The following LRRC8E variants were observed in gnomAD, a reference collection of about 807,000 sequenced individuals.
The protein encoded by LRRC8E is volume-regulated anion channel subunit LRRC8E.
Under a neutral mutation model 6.1 loss-of-function variants are expected in LRRC8E, and 6 were observed. That is an observed-to-expected ratio of 0.98 (90% CI 0.54 to 1.93). LRRC8E has a LOEUF of 1.93. LRRC8E is among the 30% of genes most tolerant of loss of function. LRRC8E has a pLI of 0.01. For missense variants in LRRC8E, 1,028 were observed against 1,031.4 expected (o/e 1.00, Z 0.04); for synonymous variants, 485 against 472.8 (o/e 1.03, Z -0.33).
Position 7,898,717 on chromosome 19 carries a change from A to G in LRRC8E, c.195A>G (p.Ser65=), listed in dbSNP as rs771442690. ...LPNHELQENL[S]EAPCQQLLPR... ...ATCATGAGCTCCAGGAGAACTTATC[A>G]GAGGCCCCGTGCCAGCAATTGCTGC... Residue 65 remains serine, a synonymous_variant, in exon 3 of 3, where the codon TCA becomes TCG. Coordinates refer to ENST00000306708, the MANE Select transcript of LRRC8E (RefSeq NM_025061.6). 1 of 1,613,736 alleles carries G rather than the reference A, an allele frequency of 6.2e-7. No homozygotes were observed. Among genetic ancestry groups the G allele is most frequent in the South Asian group, 1.1e-5 (1 of 91,072 alleles).
Position 7,895,704 on chromosome 19 carries a change from C to A in LRRC8E, c.101C>A (p.Ala34Asp), listed in dbSNP as rs146658172. The A allele has an allele frequency of 1.9e-6, 3 of 1,614,054 alleles. No homozygotes were observed. Among genetic ancestry groups the A allele is most frequent in the Non-Finnish European group, 2.5e-6 (3 of 1,179,948 alleles). ...WDVLAEYLTVAMLMIGVFGCT... is the reference protein window; with the variant it reads ...WDVLAEYLTVDMLMIGVFGCT... Reference sequence around the variant, plus strand: ...GTGCTGGCCGAGTACCTCACCGTGGCCATGCTCATGATTGGGGTCTTTGGC... The same window carrying A: ...GTGCTGGCCGAGTACCTCACCGTGGACATGCTCATGATTGGGGTCTTTGGC... Residue 34 changes from alanine to aspartate, a missense_variant, in exon 2 of 3, where the codon GCC becomes GAC. Coordinates refer to ENST00000306708, the MANE Select transcript of LRRC8E (RefSeq NM_025061.6). The surrounding 1 kb of genome is among the most constrained non-coding windows in gnomAD (Gnocchi z 4.7).
chr19:7,892,674 A>G (rs923926397), intron 1 of LRRC8E, among the ~76,000 whole-genome samples: 6 of 152,320 alleles, frequency 3.9e-5, no homozygotes, highest in East Asian at 1.9e-4. Context: ...ACAAATATGC[A>G]TGACCCAAAA....
At chr19:7,897,877 T>A (rs1599607700) in intron 2 of LRRC8E, among the ~76,000 whole-genome samples, 1 of 152,164 alleles carries the variant, frequency 6.6e-6, no homozygotes, top group Admixed American at 6.6e-5. Flanking sequence ...CAACATCTTT[T>A]GTGGGGACAC....
Position 7,900,935 on chromosome 19 carries a change from G to T in LRRC8E, c.*22G>T. The T allele has an allele frequency of 6.7e-7, 1 of 1,498,506 alleles. No individual in the cohort carries two copies. The highest frequency in any genetic ancestry group is 2.3e-5 in the East Asian group (1 of 43,634). 92.8% of individuals were successfully genotyped at this position (1,498,506 alleles called of 1,614,324 possible). On this transcript the variant is annotated 3_prime_UTR_variant, in exon 3 of 3. Coordinates refer to ENST00000306708, the MANE Select transcript of LRRC8E (RefSeq NM_025061.6). This position sits in a 1 kb window ranked among gnomAD's most constrained non-coding sequence, Gnocchi z 5.0. ...ATGAAGCTGGGGTGGGGCCGTTTTA[G>T]GTAGAGCCTTAAAAATGCTTCTGCC...
Position 7,900,690 on chromosome 19 carries a change from A to G in LRRC8E, c.2168A>G (p.Lys723Arg). The change falls in exon 3 of 3, where the codon AAG (lysine) becomes AGG (arginine). Residue 723 changes from lysine (K) to arginine (R), a missense_variant. Transcript: ENST00000306708. This position sits in a 1 kb window ranked among gnomAD's most constrained non-coding sequence, Gnocchi z 5.0. ...CCCGAAGAGCTCTTCTTCTGCCGCA[A>G]GCTGCGGACGTTGCTTCTGGGCGAC... ...ALPEELFFCR[K>R]LRTLLLGDNQ... is the part of the protein sequence containing the mutation. 1.9e-6 allele frequency: 3 copies of G among 1,613,450 alleles called. No individual in the cohort carries two copies. Among genetic ancestry groups the G allele is most frequent in the Non-Finnish European group, 2.5e-6 (3 of 1,180,032 alleles).
Position 7,899,038 on chromosome 19 carries a change from G to A in LRRC8E, c.516G>A (p.Glu172=), listed in dbSNP as rs781665469. 1.0e-4 allele frequency: 165 copies of A among 1,613,550 alleles called. No individual in the cohort carries two copies. Among genetic ancestry groups the A allele is most frequent in the Non-Finnish European group, 1.1e-4 (128 of 1,179,926 alleles). Reference sequence around the variant, plus strand: ...GGGCCCTATCCGAGGTCTCCGGGGAGAACCAGAAGGGCCCAGCAGCCACCG... The same window carrying A: ...GGGCCCTATCCGAGGTCTCCGGGGAAAACCAGAAGGGCCCAGCAGCCACCG... ...TTRALSEVSG[E]NQKGPAATER... is the part of the protein sequence containing the mutation. Residue 172 remains glutamate (E), a synonymous_variant, in exon 3 of 3, where the codon GAG becomes GAA. Transcript: ENST00000306708.
chr19:7,895,652 T>C lies in LRRC8E; in HGVS notation c.49T>C (p.Phe17Leu), dbSNP rs747246431. Reference protein sequence around the residue: ...FKQFTEQQPAFKVLKPWWDVL... With the variant: ...FKQFTEQQPALKVLKPWWDVL... The stretch of plus-strand genomic sequence containing the variant: ...GCAGTTCACGGAACAGCAGCCTGCG[T>C]TCAAGGTGCTCAAACCCTGGTGGGA... Residue 17 changes from phenylalanine (F) to leucine (L), a missense_variant, in exon 2 of 3, where the codon TTC becomes CTC. Physicochemically the swap from Phe to Leu is conservative, Grantham distance 22 (BLOSUM62 0). Transcript: ENST00000306708. This position sits in a 1 kb window ranked among gnomAD's most constrained non-coding sequence, Gnocchi z 4.7. The C allele has an allele frequency of 1.5e-5, 24 of 1,613,948 alleles. No homozygotes were observed. The highest frequency in any genetic ancestry group is 1.9e-5 in the Non-Finnish European group (23 of 1,179,968).
Position 7,900,400 on chromosome 19 carries a change from C to T in LRRC8E, c.1878C>T (p.Phe626=), listed in dbSNP as rs939233176. The change falls in exon 3 of 3, where the codon TTC becomes TTT. Residue 626 remains phenylalanine (F), a synonymous_variant. Transcript: ENST00000306708. This position sits in a 1 kb window ranked among gnomAD's most constrained non-coding sequence, Gnocchi z 5.0. ...HLRSIEEILS[F]QHCRKLVTLR... ...GCTCCATCGAGGAAATCCTCAGCTT[C>T]CAGCACTGCCGGAAGCTGGTCACGC... The T allele has an allele frequency of 2.5e-6, 4 of 1,612,782 alleles. No individual in the cohort carries two copies. In the African/African-American group the frequency reaches 5.3e-5, roughly 22 times the overall value.
chr19:7,897,867 CA>C (rs1981683737), intron 2 of LRRC8E, among the ~76,000 whole-genome samples: 1 of 151,990 alleles, frequency 6.6e-6, no homozygotes, highest in Admixed American at 6.6e-5. Context: ...GTTGGGACTT[CA>C]ACATCTTTTG....
Position 7,900,918 on chromosome 19 carries a change from G to T in LRRC8E, c.*5G>T. 6.6e-7 allele frequency: 1 copy of T among 1,516,082 alleles called. No individual in the cohort carries two copies. Among genetic ancestry groups the T allele is most frequent in the African/African-American group, 1.4e-5 (1 of 71,756 alleles). The allele number at this position is 1,516,082 out of a possible 1,614,324, so 93.9% of individuals were successfully genotyped here. ...GACAAGATGGAGGAGGAATGAAGCT[G>T]GGGTGGGGCCGTTTTAGGTAGAGCC... On this transcript the variant is annotated 3_prime_UTR_variant, in exon 3 of 3. Coordinates refer to ENST00000306708, the MANE Select transcript of LRRC8E (RefSeq NM_025061.6). This position sits in a 1 kb window ranked among gnomAD's most constrained non-coding sequence, Gnocchi z 5.0.
intron 2 of LRRC8E, among the ~76,000 whole-genome samples, chr19:7,896,821 C>A (rs566751402): frequency 3.9e-5 from 6 of 151,984 alleles, no homozygotes; most frequent in Non-Finnish European, 5.9e-5. Flanking sequence ...TCTCGGACTC[C>A]GGGCCTCAAG....
rs754108031 is a variant in LRRC8E, at chr19:7,898,873, C to T, written c.351C>T (p.Tyr117=). 6.2e-6 allele frequency: 10 copies of T among 1,614,254 alleles called. No homozygotes were observed. The South Asian group carries it at 1.1e-4, about 18-fold the overall frequency. Reference sequence around the variant, plus strand: ...CGGCCCTGCACTGGTATGCCAAGTACTTCCCTTACCTCGTGGTCATTCACA... The same window carrying T: ...CGGCCCTGCACTGGTATGCCAAGTATTTCCCTTACCTCGTGGTCATTCACA... ...YETALHWYAK[Y]FPYLVVIHTL... is the part of the protein sequence containing the mutation. The change falls in exon 3 of 3, where the codon TAC becomes TAT. Residue 117 remains tyrosine (Y), a synonymous_variant. Transcript: ENST00000306708.
In LRRC8E at chr19:7,900,317, C is replaced by T; in HGVS notation, c.1795C>T (p.His599Tyr). Residue 599 changes from histidine to tyrosine, a missense_variant, in exon 3 of 3, where the codon CAT becomes TAT. Physicochemically the swap from His to Tyr is moderately conservative, Grantham distance 83. Transcript: ENST00000306708. This position sits in a 1 kb window ranked among gnomAD's most constrained non-coding sequence, Gnocchi z 5.0. ...LVACGLERIP[H>Y]AVFSLGALQE... The stretch of plus-strand genomic sequence containing the variant: ...GGCCTGCGGGCTGGAGCGCATCCCC[C>T]ATGCAGTGTTCAGCCTGGGTGCGCT... 1 of 1,613,340 alleles carries T rather than the reference C, an allele frequency of 6.2e-7. No homozygotes were observed. The highest frequency in any genetic ancestry group is 8.5e-7 in the Non-Finnish European group (1 of 1,180,016).
Position 7,899,491 on chromosome 19 carries a change from C to T in LRRC8E, c.969C>T (p.Tyr323=), listed in dbSNP as rs766939935. The T allele has an allele frequency of 4.0e-5, 65 of 1,613,414 alleles. No individual in the cohort carries two copies. The highest frequency in any genetic ancestry group is 5.4e-5 in the African/African-American group (4 of 74,748). Residue 323 remains tyrosine, a synonymous_variant, in exon 3 of 3, where the codon TAC becomes TAT. Transcript: ENST00000306708. Reference sequence around the variant, plus strand: ...GTTACATCTCCTTTGTGTGCATCTACGGACTTACCTGCATCTACACGCTCT... The same window carrying T: ...GTTACATCTCCTTTGTGTGCATCTATGGACTTACCTGCATCTACACGCTCT... ...AFCYISFVCI[Y]GLTCIYTLYW...
intron 2 of LRRC8E, among the ~76,000 whole-genome samples, chr19:7,898,223 A>AAG (rs2145108636): frequency 6.6e-6 from 1 of 151,752 alleles, no homozygotes; most frequent in African/African-American, 2.4e-5. Flanking sequence ...AAACCAAAAA[A>AAG]AAAAAAAACA....
chr19:7,892,204 C>G (rs1427770367), intron 1 of LRRC8E, among the ~76,000 whole-genome samples: 8 of 152,128 alleles, frequency 5.3e-5, no homozygotes, highest in Non-Finnish European at 1.2e-4. Context: ...TCCCAAGTAG[C>G]TGGGACTACA....
At chr19:7,894,531 T>C (rs1981476036) in intron 1 of LRRC8E, among the ~76,000 whole-genome samples, 1 of 152,198 alleles carries the variant, frequency 6.6e-6, no homozygotes, top group Non-Finnish European at 1.5e-5. Context: ...CCAGCCCCAG[T>C]TACAGATTAT....
In LRRC8E at chr19:7,891,549, G is replaced by GTT. The variant is rs1186023904; in HGVS notation, c.-6+2950_-6+2951insTT. 2.3e-3 allele frequency among the ~76,000 whole-genome samples: 329 copies of GTT among 145,536 alleles called. 1 individual carries two copies. The highest frequency in any genetic ancestry group is 2.8e-3 in the Non-Finnish European group (183 of 64,924). ...GGTGTGTGTGTGTGTGTGTGTGTTT[G>GTT]TGTGTGTGTGTGTGTGTTGTGTGAT... On this transcript the variant is annotated intron_variant, in intron 1 of 2. Coordinates refer to ENST00000306708, the MANE Select transcript of LRRC8E (RefSeq NM_025061.6).
chr19:7,891,524 GGTGTGTGT>G lies in LRRC8E; in HGVS notation c.-6+2939_-6+2946del, dbSNP rs577011407. ...AGGACAGGAAGTTGGTCCCTGCTCG[GGTGTGTGT>G]GTGTGTGTGTGTGTTTGTGTGTGTG... is the stretch of plus-strand genomic sequence containing the variant. On this transcript the variant is annotated intron_variant, in intron 1 of 2. Transcript: ENST00000306708. 8.7e-5 allele frequency among the ~76,000 whole-genome samples: 11 copies of G among 125,940 alleles called. 1 individual carries two copies. The South Asian group carries it at 1.8e-3, about 21-fold the overall frequency. 82.6% of individuals were successfully genotyped at this position (125,940 alleles called of 152,430 possible). A position where few individuals can be genotyped will look rare whatever the true frequency, so the allele number is the denominator to read the frequency against.
Sources: gnomAD v4.1 joint callset for allele counts (sites outside exome capture counted in the v4.1 genomes callset) on GRCh38, gnomAD v4.1.1 for gene constraint, Gnocchi (gnomAD v3.1) non-coding constraint, MANE v1.5 for transcripts, NCBI Gene and HGNC (gene_info 2026-07-23, HGNC 2026-07-21) for gene names.